TMEM132B: variants seen among roughly 807,000 people sequenced by gnomAD.
The protein encoded by TMEM132B is transmembrane protein 132B.
Under a neutral mutation model 90.8 loss-of-function variants are expected in TMEM132B, and 18 were observed. The ratio of observed to expected loss-of-function variants is 0.20; its 90% CI spans 0.14 to 0.29. The LOEUF (loss-of-function observed/expected upper bound fraction) is 0.29. Ranked by LOEUF, TMEM132B falls within the 10% of genes least tolerant of loss-of-function variation. TMEM132B has a pLI of 1.00. For synonymous variants in TMEM132B, 504 were observed against 523.3 expected (o/e 0.96, Z 0.50); for missense variants, 1,096 against 1,326.8 (o/e 0.83, Z 2.70).
At chr12:125,443,402 C>G (rs1446732338) in intron 3 of TMEM132B, among the ~76,000 whole-genome samples, 1 of 152,160 alleles carries the variant, frequency 6.6e-6, no homozygotes, top group African/African-American at 2.4e-5. Flanking sequence ...GCCCCTTTCT[C>G]TGTGAACTCC....
At chr12:125,444,550 G>A (rs1880953373) in intron 3 of TMEM132B, among the ~76,000 whole-genome samples, 1 of 152,098 alleles carries the variant, frequency 6.6e-6, no homozygotes, top group African/African-American at 2.4e-5. Context: ...GTCTTTCAAA[G>A]TATTCCCTTA....
chr12:125,261,357 C>A (rs1038458637), intron 1 of TMEM132B, among the ~76,000 whole-genome samples: 1 of 152,170 alleles, frequency 6.6e-6, no homozygotes, highest in African/African-American at 2.4e-5. Flanking sequence ...CTATTATATT[C>A]TCTGGCTTCT....
intron 5 of TMEM132B, among the ~76,000 whole-genome samples, chr12:125,588,816 CTT>C (rs1488125841): frequency 6.6e-6 from 1 of 152,120 alleles, no homozygotes; most frequent in Non-Finnish European, 1.5e-5. Context: ...CTCTGCTATT[CTT>C]TTATGTCTTC....
At chr12:125,253,422 CT>C (rs946961183) in intron 1 of TMEM132B, among the ~76,000 whole-genome samples, 2 of 150,638 alleles carry the variant, frequency 1.3e-5, no homozygotes, top group African/African-American at 2.4e-5. Flanking sequence ...TTTCTTTTTT[CT>C]TTCCCCCCCA....
Position 125,647,897 on chromosome 12 carries a change from C to CTTT in TMEM132B, c.1644-2771_1644-2769dup, listed in dbSNP as rs757137864. On this transcript the variant is annotated intron_variant, in intron 6 of 8. Coordinates refer to ENST00000682704, the MANE Select transcript of TMEM132B (RefSeq NM_001366854.1). ...AAAACATACTTAAAACAATTGTATCCTTTTTTTTTTTTTTTTTAATTATAC... is the reference window on the plus strand; with the variant it reads ...AAAACATACTTAAAACAATTGTATCCTTTTTTTTTTTTTTTTTTTTAATTATAC... 5.3e-3 allele frequency among the ~76,000 whole-genome samples: 720 copies of CTTT among 135,290 alleles called. 4 individuals are homozygous for CTTT. Among genetic ancestry groups the CTTT allele is most frequent in the African/African-American group, 8.1e-3 (297 of 36,850 alleles). 88.8% of individuals were successfully genotyped at this position (135,290 alleles called of 152,430 possible). A position where few individuals can be genotyped will look rare whatever the true frequency, so the allele number is the denominator to read the frequency against.
chr12:125,576,881 C>CGT lies in TMEM132B; in HGVS notation c.1294-6960_1294-6959dup, dbSNP rs372166570. Among the ~76,000 whole-genome samples, 875 of 150,290 alleles carry CGT rather than the reference C, an allele frequency of 5.8e-3. 7 individuals are homozygous for CGT. The highest frequency in any genetic ancestry group is 0.02 in the African/African-American group (825 of 41,034). ...CTTGCATTTGTTTGCTAGTATTTTG[C>CGT]GTGTGTGTGTGGCAGGGGGGTGGGG... is the stretch of plus-strand genomic sequence containing the variant. On this transcript the variant is annotated intron_variant, in intron 4 of 8. Transcript: ENST00000682704.
intron 3 of TMEM132B, among the ~76,000 whole-genome samples, chr12:125,504,213 T>C (rs1257156540): frequency 6.6e-6 from 1 of 152,058 alleles, no homozygotes; most frequent in Non-Finnish European, 1.5e-5. Context: ...AGTGGAAGGT[T>C]ACAAGAATTC....
At chr12:125,359,088 A>T (rs911366714) in intron 2 of TMEM132B, among the ~76,000 whole-genome samples, 1 of 152,212 alleles carries the variant, frequency 6.6e-6, no homozygotes, top group Non-Finnish European at 1.5e-5. Flanking sequence ...CTCCGGAAGG[A>T]TGCTTTAAAG....
At chr12:125,524,359 T>C (rs1883389770) in intron 4 of TMEM132B, among the ~76,000 whole-genome samples, 1 of 152,232 alleles carries the variant, frequency 6.6e-6, no homozygotes, top group Non-Finnish European at 1.5e-5. Context: ...CGTTATCCTA[T>C]TGATTTGCCT....
rs1887087969 is a variant in TMEM132B, at chr12:125,657,253, A to G, written c.*2543A>G. ...ACCCAGTCAGTTCAAAATAACAATC[A>G]AATGGAAGGCCATGGGGGAAGGGTT... On this transcript the variant is annotated 3_prime_UTR_variant, in exon 9 of 9. Transcript: ENST00000682704. 6.6e-6 allele frequency: 1 copy of G among 152,174 alleles called. No individual in the cohort carries two copies. Among genetic ancestry groups the G allele is most frequent in the Non-Finnish European group, 1.5e-5 (1 of 68,044 alleles). 9.4% of individuals were successfully genotyped at this position (152,174 alleles called of 1,614,324 possible). A position where few individuals can be genotyped will look rare whatever the true frequency, so the allele number is the denominator to read the frequency against.
chr12:125,378,817 C>A (rs1424111849), intron 2 of TMEM132B, among the ~76,000 whole-genome samples: 4 of 152,192 alleles, frequency 2.6e-5, no homozygotes. Context: ...TTGACAATGG[C>A]CAAAGAGCAG....
chr12:125,298,033 AC>A (rs533355546), intron 1 of TMEM132B, among the ~76,000 whole-genome samples: 8 of 152,282 alleles, frequency 5.3e-5, no homozygotes, highest in African/African-American at 1.7e-4. Flanking sequence ...CAAGAGGATC[AC>A]TTGAGCCCAG....
At chr12:125,430,359 G>A (rs573263866) in intron 3 of TMEM132B, among the ~76,000 whole-genome samples, 32 of 152,298 alleles carry the variant, frequency 2.1e-4, no homozygotes, top group Admixed American at 1.8e-3. Context: ...GATATGAAAT[G>A]TGCAGGGAGC....
At chr12:125,284,375 A>C (rs1386534678) in intron 1 of TMEM132B, among the ~76,000 whole-genome samples, 3 of 152,164 alleles carry the variant, frequency 2.0e-5, no homozygotes, top group Non-Finnish European at 2.9e-5. Flanking sequence ...CTATTTGTTG[A>C]GCACTGTGCA....
intron 5 of TMEM132B, chr12:125,585,574 G>T (rs929718958): frequency 3.3e-5 from 5 of 152,160 alleles, no homozygotes; most frequent in African/African-American, 1.2e-4. Context: ...TAAGCCTTTT[G>T]TTCTGACCTA....
At chr12:125,507,126 G>A (rs576991765) in intron 3 of TMEM132B, among the ~76,000 whole-genome samples, 16 of 152,340 alleles carry the variant, frequency 1.1e-4, no homozygotes, top group African/African-American at 3.8e-4. Flanking sequence ...CCTAGGCAGG[G>A]TTGGACACGA....
At position 125,626,941 on chromosome 12, in the gene TMEM132B, A is replaced by G. The variant is rs35140515; in HGVS notation, c.1438-17135A>G. On this transcript the variant is annotated intron_variant, in intron 5 of 8. Transcript: ENST00000682704. ...ATTCCAATTACATGTACATTAGACC[A>G]TTTGACCCTCTCACAGCTCTTGGAT... Among the ~76,000 whole-genome samples the G allele has an allele frequency of 5.3e-3, 814 of 152,178 alleles. 7 individuals carry two copies. Among genetic ancestry groups the G allele is most frequent in the African/African-American group, 0.019 (778 of 41,546 alleles).
chr12:125,375,982 T>A (rs372302113), intron 2 of TMEM132B, among the ~76,000 whole-genome samples: 16 of 152,352 alleles, frequency 1.1e-4, no homozygotes, highest in African/African-American at 3.8e-4. Context: ...CCGGTACCAC[T>A]TACTCTTGGT....
At chr12:125,648,839 C>T (rs1593045054) in intron 6 of TMEM132B, among the ~76,000 whole-genome samples, 1 of 152,128 alleles carries the variant, frequency 6.6e-6, no homozygotes, top group Middle Eastern at 3.4e-3. Context: ...TAAATTTAAC[C>T]TAAAATTATT....
Sources: gnomAD v4.1 joint callset for allele counts (sites outside exome capture counted in the v4.1 genomes callset) on GRCh38, gnomAD v4.1.1 for gene constraint, MANE v1.5 for transcripts, NCBI Gene and HGNC (gene_info 2026-07-23, HGNC 2026-07-21) for gene names.